L2HGDH: variants seen among roughly 807,000 people sequenced by gnomAD.
L2HGDH encodes L-2-hydroxyglutarate dehydrogenase.
A neutral mutation model predicts 51.5 loss-of-function variants in L2HGDH; 34 were observed. The observed-to-expected ratio is 0.66, with a 90% CI of 0.50 to 0.88. L2HGDH has a LOEUF of 0.88. L2HGDH is among the 40% of genes least tolerant of loss of function. The pLI is 0.00. For missense variants in L2HGDH, 558 were observed against 571.9 expected (o/e 0.98, Z 0.25); for synonymous variants, 198 against 197.9 (o/e 1.00, Z -0.01).
At chr14:50,287,326 C>G in intron 4 of L2HGDH, 1 of 984,142 alleles carries the variant, frequency 1.0e-6, no homozygotes, top group Non-Finnish European at 1.2e-6. Context: ...TCTTTAAAGC[C>G]TTAACAAGGA....
chr14:50,261,887 A>T (rs76342915), intron 9 of L2HGDH, among the ~76,000 whole-genome samples: 4,800 of 152,300 alleles, frequency 0.032, 244 homozygotes, highest in African/African-American at 0.11. Flanking sequence ...TCTCATGTTC[A>T]CCAGTAAATT....
intron 4 of L2HGDH, among the ~76,000 whole-genome samples, chr14:50,293,708 A>C (rs2139191722): frequency 6.6e-6 from 1 of 152,264 alleles, no homozygotes; most frequent in East Asian, 1.9e-4. Context: ...CTCCTCCAAA[A>C]ATGTTCAATG....
intron 4 of L2HGDH, among the ~76,000 whole-genome samples, chr14:50,290,749 C>T (rs1039010607): frequency 3.9e-5 from 6 of 151,976 alleles, no homozygotes; most frequent in African/African-American, 7.3e-5. Context: ...CTGCAACCTC[C>T]GCCTCCCGGG....
At chr14:50,279,319 A>C (rs191141653) in intron 5 of L2HGDH, among the ~76,000 whole-genome samples, 2 of 152,182 alleles carry the variant, frequency 1.3e-5, no homozygotes, top group Non-Finnish European at 2.9e-5. Context: ...TCATTTGGAC[A>C]AAAAAAATTA....
intron 1 of L2HGDH, among the ~76,000 whole-genome samples, chr14:50,306,078 G>A (rs554054897): frequency 6.8e-6 from 1 of 148,084 alleles, no homozygotes; most frequent in Admixed American, 6.8e-5. Context: ...GTGAGATGGA[G>A]TCTGGCTCTG....
At chr14:50,279,746 G>A (rs1005029051) in intron 5 of L2HGDH, among the ~76,000 whole-genome samples, 16 of 151,740 alleles carry the variant, frequency 1.1e-4, no homozygotes, top group Admixed American at 2.6e-4. Flanking sequence ...AGATTGCTTC[G>A]ATCCCTTTCA....
At chr14:50,311,488 C>A (rs1024990915) in intron 1 of L2HGDH, 2 of 456,134 alleles carry the variant, frequency 4.4e-6, no homozygotes, top group Non-Finnish European at 8.8e-6. Flanking sequence ...AACTATAAAT[C>A]ACAGGACACT....
chr14:50,253,874 A>G (rs575903978), intron 9 of L2HGDH, among the ~76,000 whole-genome samples: 2 of 152,282 alleles, frequency 1.3e-5, no homozygotes, highest in African/African-American at 4.8e-5. Context: ...AGATCCTGTC[A>G]TTTGCATCAA....
rs564597055 is a variant in L2HGDH, at chr14:50,243,736, G to A, written c.*3322C>T. 45 of 166,024 alleles carry A rather than the reference G, an allele frequency of 2.7e-4. No homozygotes were observed. The East Asian group carries it at 7.0e-3, about 26-fold the overall frequency. 10.3% of individuals were successfully genotyped at this position (166,024 alleles called of 1,614,324 possible). A position where few individuals can be genotyped will look rare whatever the true frequency, so the allele number is the denominator to read the frequency against. ...TAGGGTACATGTGCACAATGTGCAG[G>A]TTAGTTACATATGTATACATGTGCC... On this transcript the variant is annotated 3_prime_UTR_variant, in exon 10 of 10. Transcript: ENST00000267436.
At chr14:50,303,968 C>T (rs977802386) in intron 1 of L2HGDH, among the ~76,000 whole-genome samples, 1 of 152,078 alleles carries the variant, frequency 6.6e-6, no homozygotes, top group African/African-American at 2.4e-5. Flanking sequence ...TGCAGTCATG[C>T]GTTGCTTAAC....
chr14:50,294,261 A>T lies in L2HGDH; in HGVS notation c.409-15T>A, dbSNP rs1044568730. The T allele has an allele frequency of 1.9e-6, 3 of 1,606,102 alleles. No individual in the cohort carries two copies. The highest frequency in any genetic ancestry group is 1.1e-5 in the South Asian group (1 of 90,914). On this transcript the variant is annotated splice_polypyrimidine_tract_variant and intron_variant, in intron 3 of 9. Transcript: ENST00000267436. The stretch of plus-strand genomic sequence containing the variant: ...GCTACTATAAGCTTCAAAAAAAAAA[A>T]GGTAAGGAGCATGGATAGAGGTGAA...
intron 5 of L2HGDH, chr14:50,282,309 A>C: frequency 2.6e-6 from 1 of 379,338 alleles, no homozygotes; most frequent in Non-Finnish European, 5.2e-6. Flanking sequence ...CCTTTCCTAG[A>C]CCTCCCCTCT....
At chr14:50,286,432 C>T (rs1223247942) in intron 4 of L2HGDH, among the ~76,000 whole-genome samples, 6 of 152,094 alleles carry the variant, frequency 3.9e-5, no homozygotes, top group African/African-American at 1.2e-4. Flanking sequence ...GGCCTCTCCC[C>T]GATGATACTT....
chr14:50,269,624 T>A (rs8015621), intron 6 of L2HGDH, among the ~76,000 whole-genome samples: 1,610 of 152,250 alleles, frequency 0.011, 24 homozygotes, highest in African/African-American at 0.037. Flanking sequence ...AATACATACA[T>A]ACAAATACAT....
chr14:50,258,992 G>A (rs1451583987), intron 9 of L2HGDH, among the ~76,000 whole-genome samples: 2 of 147,658 alleles, frequency 1.4e-5, no homozygotes, highest in Non-Finnish European at 3.0e-5. Context: ...AGGCATATGC[G>A]CACCACCACG....
chr14:50,287,805 C>A (rs1297176122), intron 4 of L2HGDH, among the ~76,000 whole-genome samples: 24 of 144,548 alleles, frequency 1.7e-4, no homozygotes, highest in African/African-American at 5.9e-4. Flanking sequence ...TCAAGCGATT[C>A]TCCTGCCTCA....
rs150594036 is a variant in L2HGDH, at chr14:50,242,855, A to G, written c.*4203T>C. Reference sequence around the variant, plus strand: ...ACCTCTGACCAAGAAGTCTAGACACAGATTAAGGGCCCAGGAGGGCAGAGC... The same window carrying G: ...ACCTCTGACCAAGAAGTCTAGACACGGATTAAGGGCCCAGGAGGGCAGAGC... On this transcript the variant is annotated 3_prime_UTR_variant, in exon 10 of 10. Coordinates refer to ENST00000267436, the MANE Select transcript of L2HGDH (RefSeq NM_024884.3). 8.7e-5 allele frequency: 86 copies of G among 985,468 alleles called. No homozygotes were observed. The highest frequency in any genetic ancestry group is 1.9e-4 in the African/African-American group (11 of 57,372). 61.0% of individuals were successfully genotyped at this position (985,468 alleles called of 1,614,324 possible). A position where few individuals can be genotyped will look rare whatever the true frequency, so the allele number is the denominator to read the frequency against.
intron 9 of L2HGDH, among the ~76,000 whole-genome samples, chr14:50,248,702 G>C (rs1888154400): frequency 6.6e-6 from 1 of 152,206 alleles, no homozygotes; most frequent in Admixed American, 6.5e-5. Context: ...TTAGCTGTAA[G>C]AATTTCCAAG....
chr14:50,306,683 T>C (rs1333948456), intron 1 of L2HGDH, among the ~76,000 whole-genome samples: 1 of 151,488 alleles, frequency 6.6e-6, no homozygotes, highest in African/African-American at 2.4e-5. Flanking sequence ...TGTTGGTGGA[T>C]AGCGGGAGTA....
Sources: allele counts gnomAD v4.1 joint callset (sites outside exome capture counted in the v4.1 genomes callset), GRCh38; gene constraint gnomAD v4.1.1; transcripts MANE v1.5; gene names NCBI Gene and HGNC (gene_info 2026-07-23, HGNC 2026-07-21).